Variants in SBF2 observed in about 807,000 individuals in gnomAD.
SBF2 encodes the protein myotubularin-related protein 13.
A neutral mutation model predicts 225.2 loss-of-function variants in SBF2; 112 were observed. The ratio of observed to expected loss-of-function variants is 0.50; its 90% confidence interval spans 0.43 to 0.58. The LOEUF is 0.58. SBF2 is among the 20% of genes least tolerant of loss of function. SBF2 has a pLI of 0.00. For missense variants in SBF2, 1,996 were observed against 2,206.2 expected, an observed-to-expected ratio of 0.90 and a Z score of 1.91; for synonymous variants, 763 against 773.3, an observed-to-expected ratio of 0.99 and a Z score of 0.22.
intron 1 of SBF2, among the ~76,000 whole-genome samples, chr11:10,211,013 T>A (rs370628348): frequency 1.0e-3 from 1 of 990 alleles, no homozygotes; most frequent in Non-Finnish European, 6.5e-3. Flanking sequence ...GACTCTTGAC[T>A]CAAAAAAAAA....
intron 13 of SBF2, among the ~76,000 whole-genome samples, chr11:9,979,216 G>A (rs886922532): frequency 7.2e-5 from 11 of 152,128 alleles, no homozygotes; most frequent in East Asian, 1.9e-4. Context: ...TTACATTGTC[G>A]TTATGAGGAT....
chr11:10,134,756 C>T (rs200538999), intron 2 of SBF2, among the ~76,000 whole-genome samples: 5 of 152,164 alleles, frequency 3.3e-5, no homozygotes, highest in South Asian at 2.1e-4. Flanking sequence ...TGGGCAGCTC[C>T]GCCCCTGTGG....
At chr11:10,300,024 C>G (rs1314226177) in intron 1 of SBF2, among the ~76,000 whole-genome samples, 1 of 152,160 alleles carries the variant, frequency 6.6e-6, no homozygotes, top group African/African-American at 2.4e-5. Context: ...GCATTCCTAT[C>G]AAACAGGACT....
intron 16 of SBF2, among the ~76,000 whole-genome samples, chr11:9,939,325 G>GACCTTGT (rs1565033957): frequency 6.6e-6 from 1 of 151,640 alleles, no homozygotes; most frequent in Non-Finnish European, 1.5e-5. Flanking sequence ...GTTGATCTCC[G>GACCTTGT]GACCTTGTGA....
chr11:10,173,742 T>A (rs1956325979), intron 2 of SBF2, among the ~76,000 whole-genome samples: 2 of 150,362 alleles, frequency 1.3e-5, no homozygotes, highest in African/African-American at 4.9e-5. Flanking sequence ...CAGGAACCTC[T>A]GCAGACTTCA....
In SBF2 at chr11:10,204,657, C is replaced by CA. The variant is rs75767484; in HGVS notation, c.56-10671dup. 1.5e-3 allele frequency among the ~76,000 whole-genome samples: 204 copies of CA among 136,978 alleles called. No individual in the cohort carries two copies. In the South Asian group the frequency reaches 0.025, roughly 17 times the overall value. 89.9% of individuals were successfully genotyped at this position (136,978 alleles called of 152,430 possible). A position where few individuals can be genotyped will look rare whatever the true frequency, so the allele number is the denominator to read the frequency against. On this transcript the variant is annotated intron_variant, in intron 1 of 39. Transcript: ENST00000256190. ...TGGGTGACAGAGCAACACTCCATCTCAAAAAAAAAAAAAGGAATGGAGTAC... is the reference window on the plus strand; with the variant it reads ...TGGGTGACAGAGCAACACTCCATCTCAAAAAAAAAAAAAAGGAATGGAGTAC...
chr11:10,282,905 C>T (rs1212486963), intron 1 of SBF2, among the ~76,000 whole-genome samples: 1 of 152,158 alleles, frequency 6.6e-6, no homozygotes, highest in Non-Finnish European at 1.5e-5. Flanking sequence ...TCAACCCACT[C>T]AAGCATCAAA....
chr11:9,831,312 T>G (rs1312444541), intron 27 of SBF2, among the ~76,000 whole-genome samples: 1 of 152,258 alleles, frequency 6.6e-6, no homozygotes, highest in East Asian at 1.9e-4. Context: ...TCTTATGTTC[T>G]AACATACCCA....
chr11:10,077,300 T>C (rs995292372), intron 2 of SBF2, among the ~76,000 whole-genome samples: 3 of 152,078 alleles, frequency 2.0e-5, no homozygotes, highest in African/African-American at 4.8e-5. Flanking sequence ...TGGAAAAAAC[T>C]ACTTTAAAGT....
intron 17 of SBF2, among the ~76,000 whole-genome samples, chr11:9,868,815 A>G (rs1858465858): frequency 6.6e-6 from 1 of 152,210 alleles, no homozygotes; most frequent in Admixed American, 6.5e-5. Context: ...TAGTAGTTGA[A>G]TCTAGATGCT....
chr11:10,119,357 G>T (rs995257835), intron 2 of SBF2, among the ~76,000 whole-genome samples: 186 of 152,058 alleles, frequency 1.2e-3, no homozygotes, highest in African/African-American at 4.4e-3. Flanking sequence ...AAAAAATCCA[G>T]AAAAGAATTA....
At chr11:10,006,920 C>T (rs1460838413) in intron 6 of SBF2, among the ~76,000 whole-genome samples, 4 of 152,188 alleles carry the variant, frequency 2.6e-5, no homozygotes, top group Non-Finnish European at 5.9e-5. Context: ...TGCAAGAATG[C>T]TCCAAGTTGA....
At chr11:10,207,578 G>T (rs767671802) in intron 1 of SBF2, among the ~76,000 whole-genome samples, 5 of 152,074 alleles carry the variant, frequency 3.3e-5, no homozygotes, top group African/African-American at 4.8e-5. Context: ...CTGCTTGCCT[G>T]ATTTGCAACC....
intron 1 of SBF2, among the ~76,000 whole-genome samples, chr11:10,264,192 T>A (rs2135519753): frequency 6.6e-6 from 1 of 152,310 alleles, no homozygotes; most frequent in South Asian, 2.1e-4. Flanking sequence ...GCAACCATAA[T>A]CTTCCTCCCA....
intron 6 of SBF2, among the ~76,000 whole-genome samples, chr11:10,017,501 T>G (rs930264416): frequency 1.3e-5 from 2 of 152,280 alleles, no homozygotes; most frequent in East Asian, 3.9e-4. Flanking sequence ...TAGCAGTGAA[T>G]AAAGACAATA....
At chr11:9,851,568 AT>A (rs1856956904) in intron 21 of SBF2, among the ~76,000 whole-genome samples, 1 of 152,168 alleles carries the variant, frequency 6.6e-6, no homozygotes, top group Non-Finnish European at 1.5e-5. Context: ...GGAAAAAAAA[AT>A]CTCTCCTGAA....
In SBF2 at chr11:9,898,539, C is replaced by T. The variant is rs562108664; in HGVS notation, c.1861-2528G>A. 1.6e-3 allele frequency among the ~76,000 whole-genome samples: 244 copies of T among 152,100 alleles called. 1 individual carries two copies. Among genetic ancestry groups the T allele is most frequent in the Non-Finnish European group, 6.0e-4 (41 of 67,990 alleles). On this transcript the variant is annotated intron_variant, in intron 16 of 39. Coordinates refer to ENST00000256190, the MANE Select transcript of SBF2 (RefSeq NM_030962.4). ...TACAAAAACTAGCTGGGCACAGTGG[C>T]CTGTGCATGTAGTCCCAGCTACTCA...
chr11:10,098,286 C>G (rs900799239), intron 2 of SBF2, among the ~76,000 whole-genome samples: 2 of 151,766 alleles, frequency 1.3e-5, no homozygotes, highest in Non-Finnish European at 2.9e-5. Flanking sequence ...GAATGTAAAC[C>G]TAAGATTTCT....
Position 9,920,952 on chromosome 11 carries a change from C to T in SBF2, c.1861-24941G>A, listed in dbSNP as rs115779868. Among the ~76,000 whole-genome samples, 501 of 151,832 alleles carry T rather than the reference C, an allele frequency of 3.3e-3. 3 individuals carry two copies. Among genetic ancestry groups the T allele is most frequent in the African/African-American group, 0.012 (481 of 41,394 alleles). On this transcript the variant is annotated intron_variant, in intron 16 of 39. Coordinates refer to ENST00000256190, the MANE Select transcript of SBF2 (RefSeq NM_030962.4). ...ATTCATTGCATACTTTGCCCTACTT[C>T]TTTCTTTCTCTTTTCCAGTTTACTT... is the stretch of plus-strand genomic sequence containing the variant.
Sources: allele counts gnomAD v4.1 joint callset (sites outside exome capture counted in the v4.1 genomes callset), GRCh38; gene constraint gnomAD v4.1.1; transcripts MANE v1.5; gene names NCBI Gene and HGNC (gene_info 2026-07-23, HGNC 2026-07-21).